GIPC1: variants seen among roughly 807,000 people sequenced by gnomAD.
The protein encoded by GIPC1 is PDZ domain-containing protein GIPC1.
A neutral mutation model predicts 28.5 loss-of-function variants in GIPC1; 15 were observed. That is an observed-to-expected ratio of 0.53 (90% CI 0.35 to 0.81). The LOEUF (loss-of-function observed/expected upper bound fraction) is 0.81. Among genes scored for constraint, GIPC1 ranks in the 30% least tolerant of loss-of-function variants. The probability of loss-of-function intolerance (pLI) is 0.01; values close to 1 mark genes in which losing one functional copy is unlikely to be tolerated. For synonymous variants in GIPC1, 224 were observed against 206.1 expected, an observed-to-expected ratio of 1.09 and a Z score of -0.74; for missense variants, 439 against 481.9, an observed-to-expected ratio of 0.91 and a Z score of 0.83.
At chr19:14,480,089 G>A (rs2071691071) in intron 6 of GIPC1, 1 of 596,798 alleles carries the variant, frequency 1.7e-6, no homozygotes, top group Non-Finnish European at 3.0e-6. Flanking sequence ...AGCTAGGTGT[G>A]AGGGCAACTT....
chr19:14,479,544 AG>A lies in GIPC1; in HGVS notation c.656-21del. On this transcript the variant is annotated intron_variant, in intron 6 of 8. Transcript: ENST00000393033. ...TCATGTCTGTGGGAGGCAGGAGAGG[AG>A]TGAGTGTGGGGGAAGCTTGGTTTTA... The A allele has an allele frequency of 1.5e-6, 2 of 1,312,284 alleles. No individual in the cohort carries two copies. Among genetic ancestry groups the A allele is most frequent in the Non-Finnish European group, 2.0e-6 (2 of 989,130 alleles). 81.3% of individuals were successfully genotyped at this position (1,312,284 alleles called of 1,614,324 possible).
At chr19:14,489,500 T>A (rs779024634) in intron 3 of GIPC1, 1 of 922,254 alleles carries the variant, frequency 1.1e-6, no homozygotes, top group Admixed American at 1.7e-5. Flanking sequence ...GATCCCTTTA[T>A]GAACCTTGTG....
chr19:14,484,753 A>G lies in GIPC1; in HGVS notation c.-30-1747T>C, dbSNP rs1001973230. On this transcript the variant is annotated intron_variant, in intron 3 of 8. Transcript: ENST00000393033. ...CACTCCATCTCAAAAACAGAAAACA[A>G]AAAACAAAAAACAAAAAACACTTTT... is the stretch of plus-strand genomic sequence containing the variant. Among the ~76,000 whole-genome samples the G allele has an allele frequency of 3.3e-5, 5 of 150,976 alleles. No individual in the cohort carries two copies. The South Asian group carries it at 6.2e-4, about 19-fold the overall frequency.
At chr19:14,484,011 A>AT (rs1386181107) in intron 3 of GIPC1, among the ~76,000 whole-genome samples, 2 of 150,302 alleles carry the variant, frequency 1.3e-5, no homozygotes, top group African/African-American at 4.9e-5. Context: ...CCTTTATTTT[A>AT]TTTTTTTGAG....
chr19:14,494,151 G>A (rs1395711321), intron 1 of GIPC1, among the ~76,000 whole-genome samples: 2 of 151,996 alleles, frequency 1.3e-5, no homozygotes, highest in African/African-American at 4.8e-5. Flanking sequence ...GGAGAGAGGG[G>A]GTTTCACCAT....
In GIPC1 at chr19:14,482,712, C is replaced by T. The variant is rs891913261; in HGVS notation, c.265G>A (p.Ala89Thr). ...VKELYGKIAEAFRLPTAEVMF... is the reference protein window; with the variant it reads ...VKELYGKIAETFRLPTAEVMF... ...ACCTCGGCAGTTGGCAGGCGGAAGG[C>T]CTCGGCGATCTTGCCATACAGCTCC... The change falls in exon 4 of 9, where the codon GCC becomes ACC. Residue 89 changes from alanine (A) to threonine (T), a missense_variant. Transcript: ENST00000393033. 12 of 1,611,500 alleles carry T rather than the reference C, an allele frequency of 7.4e-6. No homozygotes were observed. The highest frequency in any genetic ancestry group is 5.0e-5 in the Admixed American group (3 of 59,986).
At position 14,478,269 on chromosome 19, in the gene GIPC1, G is replaced by T; in HGVS notation, c.*147C>A. The T allele has an allele frequency of 1.3e-6, 1 of 794,776 alleles. No homozygotes were observed. Among genetic ancestry groups the T allele is most frequent in the South Asian group, 1.8e-5 (1 of 55,094 alleles). The allele number at this position is 794,776 out of a possible 1,614,324, so 49.2% of individuals were successfully genotyped here. On this transcript the variant is annotated 3_prime_UTR_variant, in exon 9 of 9. Transcript: ENST00000393033. This position sits in a 1 kb window ranked among gnomAD's most constrained non-coding sequence, Gnocchi z 5.2. ...GGATGGTACCGATTGGAGCGGGGCA[G>T]GGGGCCTGGCCCCACCTCCCCTCAC...
In GIPC1 at chr19:14,480,795, C is replaced by T. The variant is rs760165660; in HGVS notation, c.289-17G>A. 1.6e-5 allele frequency: 25 copies of T among 1,581,700 alleles called. No homozygotes were observed. Among genetic ancestry groups the T allele is most frequent in the Admixed American group, 6.9e-5 (4 of 58,206 alleles). ...GAACATCACCTGCAGGGGTGGGAGACGCTGAAACCTCTTCCCCCTCCCTCC... is the reference window on the plus strand; with the variant it reads ...GAACATCACCTGCAGGGGTGGGAGATGCTGAAACCTCTTCCCCCTCCCTCC... On this transcript the variant is annotated splice_polypyrimidine_tract_variant and intron_variant, in intron 4 of 8. Transcript: ENST00000393033.
At chr19:14,486,691 TCTTTCTTG>T (rs1478040527) in intron 3 of GIPC1, among the ~76,000 whole-genome samples, 4 of 150,824 alleles carry the variant, frequency 2.7e-5, no homozygotes, top group Admixed American at 6.8e-5. Flanking sequence ...TTTTTCTGTT[TCTTTCTTG>T]CTTTCTTTCT....
At chr19:14,487,169 T>C (rs1306517603) in intron 3 of GIPC1, among the ~76,000 whole-genome samples, 1 of 152,064 alleles carries the variant, frequency 6.6e-6, no homozygotes, top group Non-Finnish European at 1.5e-5. Flanking sequence ...TGCCAAGCTA[T>C]ATTTCTTGGT....
intron 3 of GIPC1, among the ~76,000 whole-genome samples, chr19:14,486,022 G>C (rs1029727000): frequency 6.6e-6 from 1 of 151,950 alleles, no homozygotes; most frequent in Non-Finnish European, 1.5e-5. Flanking sequence ...CGCCTGCCTC[G>C]GCCTCCCAAA....
intron 4 of GIPC1, 44 bp from the exon 5 acceptor site, chr19:14,480,822 C>A: frequency 7.1e-7 from 1 of 1,417,786 alleles, no homozygotes. Flanking sequence ...CCTCCCTCCC[C>A]CTTTTCTAAT....
At chr19:14,488,176 C>A (rs1599359273) in intron 3 of GIPC1, among the ~76,000 whole-genome samples, 1 of 152,124 alleles carries the variant, frequency 6.6e-6, no homozygotes, top group Non-Finnish European at 1.5e-5. Context: ...TGGGGCTGGG[C>A]ATGGTGGCTC....
At chr19:14,479,113 G>A (rs945642664) in intron 7 of GIPC1, among the ~76,000 whole-genome samples, 8 of 152,202 alleles carry the variant, frequency 5.3e-5, no homozygotes, top group Non-Finnish European at 8.8e-5. Context: ...GGGAGGCCAA[G>A]GAGGCTGGAT....
At chr19:14,488,490 A>G (rs1036449627) in intron 3 of GIPC1, among the ~76,000 whole-genome samples, 1 of 151,832 alleles carries the variant, frequency 6.6e-6, no homozygotes, top group African/African-American at 2.4e-5. Flanking sequence ...GCGGTGGCTC[A>G]TGCCTGTAAT....
At chr19:14,488,834 T>G (rs2071901801) in intron 3 of GIPC1, among the ~76,000 whole-genome samples, 1 of 147,268 alleles carries the variant, frequency 6.8e-6, no homozygotes, top group Non-Finnish European at 1.5e-5. Flanking sequence ...TTGGCATGTT[T>G]GAGGAACAGT....
intron 6 of GIPC1, 63 bp downstream of exon 6, chr19:14,480,242 G>A (rs1054256798): frequency 2.4e-5 from 35 of 1,451,324 alleles, no homozygotes; most frequent in East Asian, 1.6e-4. Context: ...GGCCGCTCCC[G>A]GCACCACCGC....
intron 5 of GIPC1, 31 bp from the exon 6 acceptor site, chr19:14,480,516 G>T (rs781177169): frequency 1.6e-5 from 26 of 1,605,528 alleles, no homozygotes; most frequent in Admixed American, 6.7e-5. Context: ...CAGCCCTTGG[G>T]GCTCTGCCCT....
intron 3 of GIPC1, among the ~76,000 whole-genome samples, chr19:14,483,750 A>G (rs969027725): frequency 4.2e-3 from 24 of 5,662 alleles, no homozygotes; most frequent in African/African-American, 0.037. Context: ...CTCTGTCTCA[A>G]TAATAATAAT....
Sources: gnomAD v4.1 joint callset for allele counts (sites outside exome capture counted in the v4.1 genomes callset) on GRCh38, gnomAD v4.1.1 for gene constraint, Gnocchi (gnomAD v3.1) non-coding constraint, MANE v1.5 for transcripts, NCBI Gene and HGNC (gene_info 2026-07-23, HGNC 2026-07-21) for gene names.